Variants in CACNB2 observed in about 807,000 individuals in gnomAD.
CACNB2 encodes voltage-dependent L-type calcium channel subunit beta-2.
CACNB2 carries 42 observed loss-of-function variants against 73.3 expected under a neutral mutation model. That is an observed-to-expected ratio of 0.57 (90% CI 0.45 to 0.74). The LOEUF is 0.74. CACNB2 is among the 30% of genes least tolerant of loss of function. The probability of loss-of-function intolerance (pLI) is 0.00; values close to 1 mark genes in which losing one functional copy is unlikely to be tolerated. For missense variants in CACNB2, 940 were observed against 853.0 expected, an observed-to-expected ratio of 1.10 and a Z score of -1.27; for synonymous variants, 348 against 310.3, an observed-to-expected ratio of 1.12 and a Z score of -1.28.
At chr10:18,265,821 G>A (rs950067724) in intron 2 of CACNB2, among the ~76,000 whole-genome samples, 2 of 152,160 alleles carry the variant, frequency 1.3e-5, no homozygotes, top group Admixed American at 6.6e-5. Context: ...AAAATGAGTA[G>A]TTATTGTGAT....
chr10:18,151,705 C>T (rs1171364164), intron 2 of CACNB2, among the ~76,000 whole-genome samples: 1 of 152,122 alleles, frequency 6.6e-6, no homozygotes, highest in Non-Finnish European at 1.5e-5. Context: ...AATGAGTGAG[C>T]TTGTTTCTTC....
Position 18,200,868 on chromosome 10 carries a change from GA to G in CACNB2, c.213+49895del, listed in dbSNP as rs757935210. On this transcript the variant is annotated intron_variant, in intron 2 of 13. Transcript: ENST00000324631. ...GTTGTTTTCTAATGCCCACATATCT[GA>G]AGGAAGCTCCATCTGGAATGCCTTA... 2.0e-3 allele frequency among the ~76,000 whole-genome samples: 299 copies of G among 152,266 alleles called. 1 individual carries two copies. Among genetic ancestry groups the G allele is most frequent in the Non-Finnish European group, 3.4e-3 (230 of 68,010 alleles).
chr10:18,438,797 A>AT (rs1464451399), intron 3 of CACNB2, among the ~76,000 whole-genome samples: 2 of 152,056 alleles, frequency 1.3e-5, no homozygotes, highest in Non-Finnish European at 1.5e-5. Flanking sequence ...TCCTCTTTAG[A>AT]TTTTTTCTTC....
At chr10:18,237,166 T>C (rs2036477611) in intron 2 of CACNB2, among the ~76,000 whole-genome samples, 1 of 152,074 alleles carries the variant, frequency 6.6e-6, no homozygotes, top group Non-Finnish European at 1.5e-5. Context: ...GGAGTAGGAA[T>C]AGAAAAAGGT....
chr10:18,312,793 G>A (rs990862259), intron 2 of CACNB2, among the ~76,000 whole-genome samples: 3 of 152,014 alleles, frequency 2.0e-5, no homozygotes, highest in Admixed American at 2.0e-4. Context: ...TTAACACTTA[G>A]GACTACAGAA....
chr10:18,220,218 TATATATATATATATAGAGAG>T (rs1166252548), intron 2 of CACNB2, among the ~76,000 whole-genome samples: 2 of 45,896 alleles, frequency 4.4e-5, no homozygotes, highest in African/African-American at 2.0e-4. Flanking sequence ...TATATATATA[TATATATATATATATAGAGAG>T]AGAGAGAGAG....
At chr10:18,183,951 C>A (rs2034021096) in intron 2 of CACNB2, among the ~76,000 whole-genome samples, 1 of 152,152 alleles carries the variant, frequency 6.6e-6, no homozygotes, top group Non-Finnish European at 1.5e-5. Flanking sequence ...TCCGTTGCTC[C>A]TCTGTGCAGA....
At chr10:18,538,034 A>T (rs2053777653) in intron 12 of CACNB2, 146 bp from the exon 13 acceptor site, 1 of 778,266 alleles carries the variant, frequency 1.3e-6, no homozygotes, top group African/African-American at 1.7e-5. Context: ...CTAACTAAAT[A>T]AAAAGGGAGA....
At position 18,342,275 on chromosome 10, in the gene CACNB2, C is replaced by A. The variant is rs542459185; in HGVS notation, c.214-59649C>A. 1.5e-4 allele frequency among the ~76,000 whole-genome samples: 23 copies of A among 152,224 alleles called. No homozygotes were observed. The South Asian group carries it at 4.4e-3, about 29-fold the overall frequency. On this transcript the variant is annotated intron_variant, in intron 2 of 13. Transcript: ENST00000324631. ...TGGCCATTTTGAATATTTTCAGCAA[C>A]AAAACTGGTCACAATTATGTCACAG...
At chr10:18,236,171 G>C (rs2036435691) in intron 2 of CACNB2, among the ~76,000 whole-genome samples, 1 of 152,048 alleles carries the variant, frequency 6.6e-6, no homozygotes. Context: ...TAATAAACAG[G>C]ACTTCTGATC....
chr10:18,289,564 G>T (rs1349546624), intron 2 of CACNB2, among the ~76,000 whole-genome samples: 4 of 151,922 alleles, frequency 2.6e-5, no homozygotes, highest in Non-Finnish European at 5.9e-5. Flanking sequence ...AAAGTGCTGG[G>T]ATTACAGGCA....
chr10:18,426,234 TCTTAC>T (rs2045592630), intron 3 of CACNB2, among the ~76,000 whole-genome samples: 1 of 152,224 alleles, frequency 6.6e-6, no homozygotes, highest in South Asian at 2.1e-4. Context: ...TATTGAGTCA[TCTTAC>T]CCATAAATAG....
chr10:18,150,695 C>T (rs906824325), intron 1 of CACNB2, among the ~76,000 whole-genome samples, 188 bp from the exon 2 acceptor site: 11 of 152,012 alleles, frequency 7.2e-5, no homozygotes, highest in African/African-American at 2.7e-4. Context: ...CTCTCCTCCC[C>T]ACATCATCAC....
In CACNB2 at chr10:18,539,515, G is replaced by C; in HGVS notation, c.1774G>C (p.Asp592His). 1.9e-6 allele frequency: 3 copies of C among 1,613,972 alleles called. No homozygotes were observed. Among genetic ancestry groups the C allele is most frequent in the Non-Finnish European group, 2.5e-6 (3 of 1,179,990 alleles). The change falls in exon 14 of 14, where the codon GAC becomes CAC. Residue 592 changes from aspartate (D) to histidine (H), a missense_variant. Transcript: ENST00000324631. ...CTCACACCGTGACCACAACCACAGA[G>C]ACGAGACCCACGGGAGCAGTGACCA... is the stretch of plus-strand genomic sequence containing the variant. ...YASHRDHNHR[D>H]ETHGSSDHRH...
chr10:18,407,882 T>A (rs1015950320), intron 3 of CACNB2, among the ~76,000 whole-genome samples: 1 of 152,202 alleles, frequency 6.6e-6, no homozygotes, highest in African/African-American at 2.4e-5. Flanking sequence ...GATACTAATT[T>A]TTTTGAAGTT....
chr10:18,407,109 CTTTTTTTTTTT>C (rs71507267), intron 3 of CACNB2, among the ~76,000 whole-genome samples: 67 of 35,616 alleles, frequency 1.9e-3, no homozygotes, highest in South Asian at 0.012. Context: ...GCTGTTCTGT[CTTTTTTTTTTT>C]TTTTTTTTTT....
intron 2 of CACNB2, among the ~76,000 whole-genome samples, chr10:18,186,226 C>A (rs1030927281): frequency 8.6e-5 from 13 of 151,994 alleles, no homozygotes; most frequent in Admixed American, 6.6e-5. Flanking sequence ...TCGAGACCAG[C>A]CTGACCAACA....
chr10:18,500,231 A>G (rs575889034), intron 4 of CACNB2, among the ~76,000 whole-genome samples: 4 of 152,226 alleles, frequency 2.6e-5, no homozygotes, highest in South Asian at 2.1e-4. Context: ...GATTTATTCA[A>G]TCGAGGAAAA....
chr10:18,279,908 C>T (rs977835136), intron 2 of CACNB2, among the ~76,000 whole-genome samples: 2 of 152,074 alleles, frequency 1.3e-5, no homozygotes, highest in African/African-American at 4.8e-5. Flanking sequence ...GACAAAAGTC[C>T]GTCTCTACCA....
Sources: allele counts gnomAD v4.1 joint callset (sites outside exome capture counted in the v4.1 genomes callset), GRCh38; gene constraint gnomAD v4.1.1; transcripts MANE v1.5; gene names NCBI Gene and HGNC (gene_info 2026-07-23, HGNC 2026-07-21).